The following PHF11 variants were observed in gnomAD, a reference collection of about 807,000 sequenced individuals.
PHF11 encodes BRCA1 C-terminus-associated protein.
PHF11 carries 38 observed loss-of-function variants against 40.5 expected under a neutral mutation model. The ratio of observed to expected loss-of-function variants is 0.94; its 90% CI spans 0.72 to 1.23. PHF11 has a LOEUF of 1.23. Ranked by LOEUF, PHF11 falls within the 50% of genes most tolerant of loss-of-function variation. PHF11 has a pLI of 0.00. For missense variants in PHF11, 369 were observed against 392.4 expected, an observed-to-expected ratio of 0.94 and a Z score of 0.50; for synonymous variants, 127 against 138.2, an observed-to-expected ratio of 0.92 and a Z score of 0.57.
intron 3 of PHF11, 113 bp from the exon 4 acceptor site, chr13:49,517,905 G>A: frequency 1.6e-6 from 1 of 623,270 alleles, no homozygotes. Flanking sequence ...TGCTGATGAT[G>A]CCCAGGATAA....
intron 5 of PHF11, 90 bp downstream of exon 5, chr13:49,521,030 A>G: frequency 1.4e-6 from 2 of 1,448,516 alleles, no homozygotes; most frequent in South Asian, 2.8e-5. Context: ...AGCCTCGTTG[A>G]ATTAAAATAC....
chr13:49,516,678 G>T (rs1369399413), intron 3 of PHF11, among the ~76,000 whole-genome samples: 3 of 151,702 alleles, frequency 2.0e-5, no homozygotes, highest in African/African-American at 7.3e-5. Context: ...TGATTTCCTG[G>T]CCCCAAGCCA....
In PHF11 at chr13:49,496,049, C is replaced by T. The variant is rs1276680076; in HGVS notation, c.48C>T (p.Ser16=). The change falls in exon 1 of 10, where the codon AGC becomes AGT. Residue 16 remains serine (S), a synonymous_variant. Transcript: ENST00000378319. ...PPRPERVLGA[S]SPEARPAQEA... is the part of the protein sequence containing the mutation. ...GGCCCGAGAGGGTGCTCGGCGCCAGCAGCCCGGAGGCCCGGCCCGCGCAGG... is the reference window on the plus strand; with the variant it reads ...GGCCCGAGAGGGTGCTCGGCGCCAGTAGCCCGGAGGCCCGGCCCGCGCAGG... The T allele has an allele frequency of 3.4e-6, 5 of 1,471,066 alleles. No homozygotes were observed. In the East Asian group the frequency reaches 9.0e-5, roughly 26 times the overall value. The allele number at this position is 1,471,066 out of a possible 1,614,324, so 91.1% of individuals were successfully genotyped here.
intron 2 of PHF11, among the ~76,000 whole-genome samples, chr13:49,511,313 A>T (rs1959078867): frequency 1.4e-5 from 2 of 144,832 alleles, no homozygotes; most frequent in Non-Finnish European, 3.0e-5. Flanking sequence ...CATAATTTCA[A>T]AATTGTTCAA....
At chr13:49,512,974 A>G in intron 2 of PHF11, 85 bp from the exon 3 acceptor site, 1 of 710,118 alleles carries the variant, frequency 1.4e-6, no homozygotes, top group Admixed American at 2.5e-5. Flanking sequence ...TCCTGGTTTG[A>G]TTTTCCACTT....
intron 5 of PHF11, chr13:49,521,256 C>A: frequency 2.9e-6 from 3 of 1,030,900 alleles, no homozygotes; most frequent in Non-Finnish European, 3.5e-6. Context: ...TAAGAATTTT[C>A]AGTAGATAAA....
chr13:49,508,407 T>C (rs1032178418), intron 2 of PHF11, among the ~76,000 whole-genome samples: 1 of 147,670 alleles, frequency 6.8e-6, no homozygotes, highest in Non-Finnish European at 1.5e-5. Flanking sequence ...TGAATGTGTC[T>C]TTTTTTTCCC....
At chr13:49,504,855 T>C (rs1958962608) in intron 1 of PHF11, among the ~76,000 whole-genome samples, 1 of 151,064 alleles carries the variant, frequency 6.6e-6, no homozygotes, top group Non-Finnish European at 1.5e-5. Flanking sequence ...AGACTTTTCA[T>C]TTTGTTCTGT....
rs557615429 is a variant in PHF11 at position 49,510,332 on chromosome 13, AT to A, written c.217-2721del. 1.3e-3 allele frequency among the ~76,000 whole-genome samples: 204 copies of A among 151,958 alleles called. 1 individual carries two copies. Among genetic ancestry groups the A allele is most frequent in the African/African-American group, 4.7e-3 (196 of 41,408 alleles). On this transcript the variant is annotated intron_variant, in intron 2 of 9. Coordinates refer to ENST00000378319, the MANE Select transcript of PHF11 (RefSeq NM_001040443.3). ...GAGCCACCATACCTGGCCTAATAAC[AT>A]TTTTTATAACAAAAGATTTTAGCTC...
intron 5 of PHF11, chr13:49,521,383 T>TGTA: frequency 6.1e-6 from 6 of 988,044 alleles, no homozygotes; most frequent in Non-Finnish European, 7.2e-6. Flanking sequence ...GGGTATACTT[T>TGTA]CATTCATGAG....
intron 4 of PHF11, among the ~76,000 whole-genome samples, chr13:49,519,049 A>T (rs983583852): frequency 2.0e-5 from 3 of 151,830 alleles, no homozygotes; most frequent in Non-Finnish European, 2.9e-5. Context: ...GTTAGCCAGG[A>T]TGGTCTCAAT....
In PHF11 at chr13:49,506,898, C is replaced by CTTTTTT. The variant is rs1169962633; in HGVS notation, c.216+160_216+165dup. 8.2e-3 allele frequency: 1,179 copies of CTTTTTT among 143,516 alleles called. 5 individuals carry two copies. The highest frequency in any genetic ancestry group is 9.4e-3 in the Middle Eastern group (3 of 318). The allele number at this position is 143,516 out of a possible 1,614,324, so 8.9% of individuals were successfully genotyped here. ...TTTAGGTGAAGATTGGGGAGCATTTCTTTTTTTTTTTTTTTTTTTTTTTGA... is the reference window on the plus strand; with the variant it reads ...TTTAGGTGAAGATTGGGGAGCATTTCTTTTTTTTTTTTTTTTTTTTTTTTTTTTTGA... On this transcript the variant is annotated intron_variant, in intron 2 of 9. Transcript: ENST00000378319.
intron 3 of PHF11, among the ~76,000 whole-genome samples, chr13:49,515,126 C>T (rs1196759613): frequency 6.6e-6 from 1 of 152,082 alleles, no homozygotes; most frequent in Admixed American, 6.5e-5. Flanking sequence ...GGGATGCAGA[C>T]TTCCCTACTG....
Position 49,526,325 on chromosome 13 carries a change from T to C in PHF11, c.770-62T>C, listed in dbSNP as rs74076057. On this transcript the variant is annotated intron_variant, in intron 8 of 9. Transcript: ENST00000378319. ...TTTCCCCTGTTTTGGATTACATATA[T>C]AAATGGAGGAGTTTCTGCCTATACA... The C allele has an allele frequency of 3.1e-3, 3,232 of 1,027,024 alleles. 59 individuals carry two copies. The African/African-American group carries it at 0.044, about 14-fold the overall frequency. 63.6% of individuals were successfully genotyped at this position (1,027,024 alleles called of 1,614,324 possible).
intron 4 of PHF11, 47 bp from the exon 5 acceptor site, chr13:49,520,847 C>A (rs1594218734): frequency 1.5e-6 from 2 of 1,292,548 alleles, no homozygotes; most frequent in Non-Finnish European, 2.2e-6. Flanking sequence ...ATATTTGAAA[C>A]CTGTAAATAA....
intron 4 of PHF11, among the ~76,000 whole-genome samples, chr13:49,520,367 A>T (rs936677125): frequency 3.3e-5 from 5 of 152,316 alleles, no homozygotes; most frequent in African/African-American, 1.2e-4. Context: ...TCTTCATCAT[A>T]GCCTGCTATG....
chr13:49,505,492 T>C (rs1958975202), intron 1 of PHF11, among the ~76,000 whole-genome samples: 1 of 152,226 alleles, frequency 6.6e-6, no homozygotes, highest in Admixed American at 6.5e-5. Context: ...TGAAAACTTT[T>C]CCCATTAAAT....
intron 1 of PHF11, among the ~76,000 whole-genome samples, chr13:49,505,867 A>G (rs1043104844): frequency 6.6e-6 from 1 of 152,178 alleles, no homozygotes; most frequent in Admixed American, 6.5e-5. Context: ...CTTAAAGTAC[A>G]TTGCTCATTT....
intron 1 of PHF11, among the ~76,000 whole-genome samples, chr13:49,502,016 A>G (rs1484954250): frequency 6.6e-6 from 1 of 152,062 alleles, no homozygotes; most frequent in Non-Finnish European, 1.5e-5. Flanking sequence ...AAATTAAATT[A>G]AGGCAGGACA....
Sources: gnomAD v4.1 joint callset for allele counts (sites outside exome capture counted in the v4.1 genomes callset) on GRCh38, gnomAD v4.1.1 for gene constraint, MANE v1.5 for transcripts, NCBI Gene and HGNC (gene_info 2026-07-23, HGNC 2026-07-21) for gene names.